The following PRDM16 variants were observed in gnomAD, a reference collection of about 807,000 sequenced individuals.
PRDM16 encodes histone-lysine N-methyltransferase PRDM16.
Under a neutral mutation model 110.6 loss-of-function variants are expected in PRDM16, and 23 were observed. The observed-to-expected ratio is 0.21, with a 90% confidence interval of 0.15 to 0.29. The LOEUF (loss-of-function observed/expected upper bound fraction) is 0.29, where lower values mean the gene tolerates loss of function less well. PRDM16 is among the 10% of genes least tolerant of loss of function. PRDM16 has a pLI of 1.00. For missense variants in PRDM16, 1,615 were observed against 1,794.3 expected (o/e 0.90, Z 1.81); for synonymous variants, 799 against 781.8 (o/e 1.02, Z -0.37).
At chr1:3,230,812 C>G (rs2817157) in intron 2 of PRDM16, among the ~76,000 whole-genome samples, 21 of 152,342 alleles carry the variant, frequency 1.4e-4, no homozygotes, top group African/African-American at 5.0e-4. Flanking sequence ...ACTGCAGCCT[C>G]GGGCACCATG....
chr1:3,235,747 G>T (rs936447238), intron 2 of PRDM16, among the ~76,000 whole-genome samples: 1 of 152,114 alleles, frequency 6.6e-6, no homozygotes, highest in Non-Finnish European at 1.5e-5. Context: ...GGCGGGGTGT[G>T]GGGGGTCCCT....
intron 3 of PRDM16, among the ~76,000 whole-genome samples, chr1:3,295,231 C>T (rs1641061041): frequency 6.6e-6 from 1 of 152,328 alleles, no homozygotes; most frequent in Non-Finnish European, 1.5e-5. Context: ...CCAGGAAAGG[C>T]ATCAGGTGGC....
chr1:3,219,486 C>T (rs1001073659), intron 2 of PRDM16, among the ~76,000 whole-genome samples: 13 of 152,152 alleles, frequency 8.5e-5, no homozygotes, highest in Admixed American at 7.2e-4. Flanking sequence ...AGGGGTCCAG[C>T]GTGGGAGGAG....
At chr1:3,184,411 C>T (rs969925253) in intron 1 of PRDM16, among the ~76,000 whole-genome samples, 2 of 152,094 alleles carry the variant, frequency 1.3e-5, no homozygotes, top group South Asian at 2.1e-4. Flanking sequence ...GGCCGGGAGG[C>T]GAGGGCCAGC....
In PRDM16 at chr1:3,437,850, T is replaced by C. The variant is rs1278807530; in HGVS notation, c.*4039T>C. 1.4e-5 allele frequency: 3 copies of C among 217,832 alleles called. No individual in the cohort carries two copies. Among genetic ancestry groups the C allele is most frequent in the African/African-American group, 6.7e-5 (3 of 44,502 alleles). 13.5% of individuals were successfully genotyped at this position (217,832 alleles called of 1,614,324 possible). A position where few individuals can be genotyped will look rare whatever the true frequency, so the allele number is the denominator to read the frequency against. ...TCTAACAATTGCCTTCAGCGTCACG[T>C]GCATTGCCACTGCGCTTTCGGCACG... On this transcript the variant is annotated 3_prime_UTR_variant, in exon 17 of 17. Transcript: ENST00000270722.
At chr1:3,274,366 G>A (rs1640534369) in intron 3 of PRDM16, among the ~76,000 whole-genome samples, 1 of 152,094 alleles carries the variant, frequency 6.6e-6, no homozygotes, top group African/African-American at 2.4e-5. Context: ...TCCCCTTGCT[G>A]GCGACCAGAT....
At chr1:3,231,958 C>T (rs574110135) in intron 2 of PRDM16, among the ~76,000 whole-genome samples, 2 of 152,334 alleles carry the variant, frequency 1.3e-5, no homozygotes, top group East Asian at 3.9e-4. Flanking sequence ...AGCAGATCAG[C>T]CCGGAATTCC....
At chr1:3,194,193 C>T (rs1638395443) in intron 2 of PRDM16, among the ~76,000 whole-genome samples, 2 of 152,244 alleles carry the variant, frequency 1.3e-5, no homozygotes. Context: ...ACGCTCAGTG[C>T]ACACTGGGGG....
At chr1:3,240,978 G>A (rs1023658527) in intron 2 of PRDM16, among the ~76,000 whole-genome samples, 2 of 152,220 alleles carry the variant, frequency 1.3e-5, no homozygotes, top group Non-Finnish European at 1.5e-5. Context: ...CGCGGCGGCC[G>A]CTGCCAGCAA....
intron 2 of PRDM16, among the ~76,000 whole-genome samples, chr1:3,212,675 G>A (rs540810771): frequency 8.6e-4 from 128 of 148,954 alleles, no homozygotes; most frequent in African/African-American, 1.7e-3. Context: ...TCATCCTCCC[G>A]GCCCCCTCGC....
At chr1:3,273,096 G>C (rs1640496087) in intron 3 of PRDM16, among the ~76,000 whole-genome samples, 1 of 152,238 alleles carries the variant, frequency 6.6e-6, no homozygotes, top group Non-Finnish European at 1.5e-5. Context: ...AGAAAGCAGA[G>C]AGAGGAAGAA....
chr1:3,304,194 G>A (rs555899555), intron 3 of PRDM16, among the ~76,000 whole-genome samples: 105 of 124,848 alleles, frequency 8.4e-4, no homozygotes, highest in Non-Finnish European at 1.3e-3. Flanking sequence ...ACAGTGACAC[G>A]GGACCCCAGC....
intron 3 of PRDM16, among the ~76,000 whole-genome samples, chr1:3,378,012 G>A (rs1643024882): frequency 6.6e-6 from 1 of 152,232 alleles, no homozygotes; most frequent in Admixed American, 6.5e-5. Flanking sequence ...AACAGGCCCG[G>A]CTCCCAGACG....
intron 2 of PRDM16, among the ~76,000 whole-genome samples, chr1:3,211,229 C>A (rs191241518): frequency 6.6e-6 from 1 of 152,332 alleles, no homozygotes; most frequent in African/African-American, 2.4e-5. Context: ...TGAGAGCCTG[C>A]GGTCAGCAGC....
rs871822 is a variant in PRDM16, at chr1:3,396,350, T to G, written c.574-141T>G. 246,897 of 705,132 alleles carry G rather than the reference T, an allele frequency of 0.35. 47,714 individuals carry two copies. Among genetic ancestry groups the G allele is most frequent in the East Asian group, 0.6 (22,025 of 36,880 alleles). 43.7% of individuals were successfully genotyped at this position (705,132 alleles called of 1,614,324 possible). A position where few individuals can be genotyped will look rare whatever the true frequency, so the allele number is the denominator to read the frequency against. On this transcript the variant is annotated intron_variant, in intron 4 of 16. Transcript: ENST00000270722. Reference sequence around the variant, plus strand: ...CGCATACTCTGCAAAAGTTCCATAGTGGACCCTCTTGGTGGCAATTAGAGG... The same window carrying G: ...CGCATACTCTGCAAAAGTTCCATAGGGGACCCTCTTGGTGGCAATTAGAGG...
intron 3 of PRDM16, among the ~76,000 whole-genome samples, chr1:3,344,519 T>C (rs1642327463): frequency 6.6e-6 from 1 of 152,274 alleles, no homozygotes; most frequent in Non-Finnish European, 1.5e-5. Context: ...ATCTGGCTCA[T>C]ATCAGAGTTG....
chr1:3,223,981 A>G (rs16823545), intron 2 of PRDM16, among the ~76,000 whole-genome samples: 5,464 of 152,236 alleles, frequency 0.036, 194 homozygotes, highest in East Asian at 0.12. Flanking sequence ...ACTTTTGGAA[A>G]TTTTATATAT....
At chr1:3,165,407 A>G (rs113726175) in intron 1 of PRDM16, among the ~76,000 whole-genome samples, 10 of 143,186 alleles carry the variant, frequency 7.0e-5, no homozygotes, top group African/African-American at 1.3e-4. Flanking sequence ...GCTCAGGGAC[A>G]GTGACTCACC....
chr1:3,082,708 T>C (rs1444327917), intron 1 of PRDM16, among the ~76,000 whole-genome samples: 2 of 152,192 alleles, frequency 1.3e-5, no homozygotes, highest in African/African-American at 4.8e-5. Flanking sequence ...AGGCACCCTG[T>C]TGCCGCAGCA....
Sources: allele counts gnomAD v4.1 joint callset (sites outside exome capture counted in the v4.1 genomes callset), GRCh38; gene constraint gnomAD v4.1.1; transcripts MANE v1.5; gene names NCBI Gene and HGNC (gene_info 2026-07-23, HGNC 2026-07-21).